Variants in ATP11A observed in about 807,000 individuals in gnomAD.
The protein encoded by ATP11A is phospholipid-transporting ATPase IH.
In ATP11A, 81 loss-of-function variants were observed where a neutral mutation model predicts 154.4. The ratio of observed to expected loss-of-function variants is 0.52; its 90% CI spans 0.44 to 0.63. The LOEUF (loss-of-function observed/expected upper bound fraction) is 0.63, where lower values mean the gene tolerates loss of function less well. ATP11A is among the 30% of genes least tolerant of loss of function. The pLI is 0.00. For synonymous variants in ATP11A, 623 were observed against 585.9 expected (o/e 1.06, Z -0.91); for missense variants, 1,316 against 1,474.3 (o/e 0.89, Z 1.76).
intron 25 of ATP11A, among the ~76,000 whole-genome samples, chr13:112,865,954 G>T (rs1247173243): frequency 2.0e-5 from 3 of 152,170 alleles, no homozygotes; most frequent in Non-Finnish European, 2.9e-5. Context: ...TTTTTGATGT[G>T]GGAATGAATT....
chr13:112,695,312 G>A (rs74497679), intron 1 of ATP11A, among the ~76,000 whole-genome samples: 2,056 of 152,274 alleles, frequency 0.014, 45 homozygotes, highest in African/African-American at 0.042. Flanking sequence ...GTACAGACTC[G>A]TAAAGTGTTC....
At chr13:112,839,478 C>T (rs1228773569) in intron 16 of ATP11A, among the ~76,000 whole-genome samples, 1 of 152,058 alleles carries the variant, frequency 6.6e-6, no homozygotes, top group African/African-American at 2.4e-5. Context: ...TGAAAGACCC[C>T]CCACCATGGG....
chr13:112,813,144 G>A (rs35752217), intron 5 of ATP11A, among the ~76,000 whole-genome samples: 2,728 of 152,284 alleles, frequency 0.018, 31 homozygotes, highest in Non-Finnish European at 0.029. Context: ...AGCTTCCATC[G>A]GTCGTAATGG....
chr13:112,785,022 A>G lies in ATP11A; in HGVS notation c.40-113A>G. 7.8e-7 allele frequency: 1 copy of G among 1,289,378 alleles called. No homozygotes were observed. The highest frequency in any genetic ancestry group is 2.2e-5 in the South Asian group (1 of 45,182). The allele number at this position is 1,289,378 out of a possible 1,614,324, so 79.9% of individuals were successfully genotyped here. ...CCCTGCAGCCCTGAACGATGCTCTC[A>G]GCAGCAGGTACAGGTCTCCGTTCCG... On this transcript the variant is annotated intron_variant, in intron 1 of 29. Coordinates refer to ENST00000375645, the MANE Select transcript of ATP11A (RefSeq NM_015205.3). The surrounding 1 kb of genome is among the most constrained non-coding windows in gnomAD (Gnocchi z 4.8).
chr13:112,779,190 T>G (rs1594658716), intron 1 of ATP11A, among the ~76,000 whole-genome samples: 4 of 101,408 alleles, frequency 3.9e-5, no homozygotes, highest in South Asian at 3.5e-4. Context: ...GCCGCTGGAG[T>G]GAGGAGTAGC....
At chr13:112,782,288 C>T (rs1455258619) in intron 1 of ATP11A, among the ~76,000 whole-genome samples, 1 of 152,186 alleles carries the variant, frequency 6.6e-6, no homozygotes, top group African/African-American at 2.4e-5. Context: ...ATGGGCAATG[C>T]CACACGGCTC....
At chr13:112,757,735 A>G (rs1042312777) in intron 1 of ATP11A, among the ~76,000 whole-genome samples, 1 of 152,254 alleles carries the variant, frequency 6.6e-6, no homozygotes, top group African/African-American at 2.4e-5. Context: ...TACAAAAACA[A>G]TTAAGTTGTA....
chr13:112,833,138 A>G, intron 14 of ATP11A, 115 bp downstream of exon 14: 1 of 1,350,198 alleles, frequency 7.4e-7, no homozygotes, highest in Non-Finnish European at 1.0e-6. Context: ...TGCCCTCCAC[A>G]CTGAGCTGTG....
chr13:112,746,420 C>T lies in ATP11A; in HGVS notation c.40-38715C>T, dbSNP rs1892157081. ...ACGTCCTCACCGGGTAACTGGGGTT[C>T]CGGCTCCCCGCGTCCTCCCCGGGTA... is the stretch of plus-strand genomic sequence containing the variant. On this transcript the variant is annotated intron_variant, in intron 1 of 29. Coordinates refer to ENST00000375645, the MANE Select transcript of ATP11A (RefSeq NM_015205.3). This position sits in a 1 kb window ranked among gnomAD's most constrained non-coding sequence, Gnocchi z 4.1. 1 of 151,816 alleles carries T rather than the reference C, an allele frequency of 6.6e-6. No individual in the cohort carries two copies. The highest frequency in any genetic ancestry group is 1.5e-5 in the Non-Finnish European group (1 of 68,006). 9.4% of individuals were successfully genotyped at this position (151,816 alleles called of 1,614,324 possible).
intron 1 of ATP11A, among the ~76,000 whole-genome samples, chr13:112,759,923 C>T (rs1401301090): frequency 6.6e-6 from 1 of 152,106 alleles, no homozygotes; most frequent in African/African-American, 2.4e-5. Flanking sequence ...TTAAAAAGTG[C>T]ATGCAACAGA....
intron 1 of ATP11A, among the ~76,000 whole-genome samples, chr13:112,778,631 G>C (rs1225640351): frequency 6.6e-6 from 1 of 151,502 alleles, no homozygotes; most frequent in Non-Finnish European, 1.5e-5. Context: ...ACTGGAGTGA[G>C]TAGCCGCTGG....
intron 1 of ATP11A, among the ~76,000 whole-genome samples, chr13:112,737,357 AG>A (rs1891098435): frequency 1.3e-5 from 2 of 152,230 alleles, no homozygotes; most frequent in South Asian, 4.1e-4. Flanking sequence ...CACCCAGGGC[AG>A]GTTAGGCACT....
At position 112,820,078 on chromosome 13, in the gene ATP11A, C is replaced by T. The variant is rs376121149; in HGVS notation, c.725+128C>T. On this transcript the variant is annotated intron_variant, in intron 8 of 29. Transcript: ENST00000375645. ...TTTGGAAGGTGGAGTTCCGCTTTCC[C>T]ACAGGGCCGGGCTCCACTCTCGTCT... is the stretch of plus-strand genomic sequence containing the variant. 4.5e-4 allele frequency: 406 copies of T among 903,452 alleles called. 2 individuals are homozygous for T. The African/African-American group carries it at 6.2e-3, about 14-fold the overall frequency. 56.0% of individuals were successfully genotyped at this position (903,452 alleles called of 1,614,324 possible).
chr13:112,722,814 C>G (rs1035752834), intron 1 of ATP11A, among the ~76,000 whole-genome samples: 3 of 152,194 alleles, frequency 2.0e-5, no homozygotes, highest in Non-Finnish European at 2.9e-5. Flanking sequence ...GGATGTTACA[C>G]ATTTCAGGGA....
intron 29 of ATP11A, chr13:112,878,594 G>T (rs941473645): frequency 2.0e-6 from 1 of 503,160 alleles, no homozygotes; most frequent in South Asian, 2.4e-5. Context: ...CGGAGAGCTG[G>T]CCACATGACC....
At chr13:112,745,521 C>T (rs573858069) in intron 1 of ATP11A, 1 of 152,060 alleles carries the variant, frequency 6.6e-6, no homozygotes, top group Non-Finnish European at 1.5e-5. Context: ...ACTGTGTACC[C>T]TAGTATGAAG....
chr13:112,709,498 A>G (rs1038435189), intron 1 of ATP11A, among the ~76,000 whole-genome samples: 12 of 152,132 alleles, frequency 7.9e-5, no homozygotes, highest in African/African-American at 2.7e-4. Flanking sequence ...GCAATTTACA[A>G]CCTGCCTTCT....
chr13:112,781,614 G>A (rs1439515256), intron 1 of ATP11A, among the ~76,000 whole-genome samples: 1 of 152,116 alleles, frequency 6.6e-6, no homozygotes, highest in African/African-American at 2.4e-5. Context: ...CTGTCCCCAG[G>A]CTGCTGTTAG....
intron 1 of ATP11A, among the ~76,000 whole-genome samples, chr13:112,701,335 C>T (rs1478542053): frequency 6.6e-6 from 1 of 152,080 alleles, no homozygotes; most frequent in African/African-American, 2.4e-5. Flanking sequence ...CAGTGTCTGG[C>T]GTTTGGCAGT....
Sources: allele counts gnomAD v4.1 joint callset (sites outside exome capture counted in the v4.1 genomes callset), GRCh38; gene constraint gnomAD v4.1.1; non-coding constraint Gnocchi (gnomAD v3.1); transcripts MANE v1.5; gene names NCBI Gene and HGNC (gene_info 2026-07-23, HGNC 2026-07-21).